Variants in CRB1 observed in about 807,000 individuals in gnomAD.
CRB1 encodes the protein protein crumbs homolog 1.
CRB1 carries 83 observed loss-of-function variants against 120.0 expected under a neutral mutation model. That is an observed-to-expected ratio of 0.69 (90% CI 0.58 to 0.83). The LOEUF is 0.83. CRB1 is among the 40% of genes least tolerant of loss of function. CRB1 has a pLI of 0.00. For synonymous variants in CRB1, 625 were observed against 612.5 expected, an observed-to-expected ratio of 1.02 and a Z score of -0.30; for missense variants, 1,699 against 1,687.6, an observed-to-expected ratio of 1.01 and a Z score of -0.12.
chr1:197,466,215 G>T (rs1666743570), intron 11 of CRB1, among the ~76,000 whole-genome samples: 5 of 152,146 alleles, frequency 3.3e-5, no homozygotes, highest in Admixed American at 1.3e-4. Flanking sequence ...CAGGTTGAAG[G>T]GACGATGCAT....
intron 10 of CRB1, chr1:197,440,543 T>C (rs756928098): frequency 7.9e-5 from 12 of 152,244 alleles, no homozygotes; most frequent in Non-Finnish European, 1.5e-4. Flanking sequence ...ATTTTTACTT[T>C]TCATGCATTA....
chr1:197,253,671 G>T, the CRB1 span, among the ~76,000 whole-genome samples: 1 of 152,048 alleles, frequency 6.6e-6, no homozygotes, highest in Non-Finnish European at 1.5e-5. Context: ...TTTTTGGAAA[G>T]TACATAATAT....
intron 5 of CRB1, among the ~76,000 whole-genome samples, chr1:197,362,631 T>C (rs1660832260): frequency 6.6e-6 from 1 of 152,148 alleles, no homozygotes; most frequent in Non-Finnish European, 1.5e-5. Flanking sequence ...TGATTTTTTT[T>C]CTCATATTCT....
At chr1:197,230,853 T>C in the CRB1 span, among the ~76,000 whole-genome samples, 3 of 152,162 alleles carry the variant, frequency 2.0e-5, no homozygotes, top group Admixed American at 6.5e-5. Flanking sequence ...GGCTTTGCAA[T>C]TGATTAATCA....
intron 2 of CRB1, among the ~76,000 whole-genome samples, chr1:197,341,182 T>C (rs566822493): frequency 6.6e-6 from 1 of 152,240 alleles, no homozygotes; most frequent in Non-Finnish European, 1.5e-5. Context: ...GCCTGTGAGA[T>C]AACTCAATGC....
chr1:197,429,826 CTA>C (rs1664790953), intron 8 of CRB1, among the ~76,000 whole-genome samples: 1 of 152,194 alleles, frequency 6.6e-6, no homozygotes, highest in Non-Finnish European at 1.5e-5. Flanking sequence ...CACAGCAACA[CTA>C]AACCTAGATG....
At chr1:197,460,024 A>G (rs1456342981) in intron 11 of CRB1, among the ~76,000 whole-genome samples, 1 of 17,176 alleles carries the variant, frequency 5.8e-5, no homozygotes, top group Non-Finnish European at 1.4e-4. Flanking sequence ...TTTTTTTTTT[A>G]CTTCACTTGA....
chr1:197,284,741 A>C (rs1323271515), intron 1 of CRB1, among the ~76,000 whole-genome samples: 1 of 151,908 alleles, frequency 6.6e-6, no homozygotes. Flanking sequence ...AGCAAACAAA[A>C]ACTTCACAGA....
chr1:197,359,626 G>C (rs1341171421), intron 5 of CRB1, among the ~76,000 whole-genome samples: 4 of 152,104 alleles, frequency 2.6e-5, no homozygotes, highest in Admixed American at 2.6e-4. Flanking sequence ...GAGTAAAATT[G>C]CTGGTTCCTA....
intron 6 of CRB1, among the ~76,000 whole-genome samples, chr1:197,423,076 G>A (rs1414900012): frequency 6.6e-6 from 1 of 152,054 alleles, no homozygotes; most frequent in East Asian, 1.9e-4. Context: ...GAGAAAAAGG[G>A]AAATTATGCT....
intron 11 of CRB1, among the ~76,000 whole-genome samples, chr1:197,457,759 A>G (rs1453463885): frequency 2.6e-5 from 4 of 152,184 alleles, no homozygotes; most frequent in African/African-American, 9.6e-5. Flanking sequence ...TCAGAAGAAC[A>G]AAAAGCACAT....
intron 1 of CRB1, among the ~76,000 whole-genome samples, chr1:197,327,091 CAAAAAAAAAAAAAAAAAAAAAAAA>C (rs71131753): frequency 1.4e-3 from 35 of 25,708 alleles, no homozygotes; most frequent in African/African-American, 2.5e-3. Context: ...TCTCACACAC[CAAAAAAAAAAAAAAAAAAAAAAAA>C]AAAAAAAAAA....
At chr1:197,434,188 A>C (rs1665009055) in intron 8 of CRB1, among the ~76,000 whole-genome samples, 2 of 152,108 alleles carry the variant, frequency 1.3e-5, no homozygotes, top group Non-Finnish European at 2.9e-5. Context: ...AGTCATTTGG[A>C]ATGCTACTTT....
chr1:197,319,824 A>G (rs757446942), intron 1 of CRB1, among the ~76,000 whole-genome samples: 17 of 152,158 alleles, frequency 1.1e-4, no homozygotes, highest in Non-Finnish European at 2.5e-4. Context: ...TATAGCAATA[A>G]TCATGATGGG....
chr1:197,345,471 C>A (rs1389033760), intron 3 of CRB1, among the ~76,000 whole-genome samples: 2 of 146,310 alleles, frequency 1.4e-5, no homozygotes, highest in African/African-American at 2.5e-5. Context: ...ATAAAAGGCA[C>A]ATATGCTTCA....
chr1:197,447,347 G>A (rs1312548213), intron 11 of CRB1: 1 of 152,248 alleles, frequency 6.6e-6, no homozygotes, highest in African/African-American at 2.4e-5. Flanking sequence ...AAAGGAGGGA[G>A]AGATGCCAGC....
At chr1:197,397,869 C>T (rs1239927636) in intron 5 of CRB1, among the ~76,000 whole-genome samples, 1 of 152,150 alleles carries the variant, frequency 6.6e-6, no homozygotes, top group African/African-American at 2.4e-5. Flanking sequence ...AAGTGTTCTA[C>T]AGCTCGATTG....
At chr1:197,392,588 C>G (rs980972506) in intron 5 of CRB1, among the ~76,000 whole-genome samples, 4 of 151,870 alleles carry the variant, frequency 2.6e-5, no homozygotes, top group African/African-American at 9.7e-5. Flanking sequence ...AAGAAAAGAC[C>G]CAAGGAACTA....
At chr1:197,441,322 C>G (rs1203728354) in intron 10 of CRB1, 1 of 152,118 alleles carries the variant, frequency 6.6e-6, no homozygotes, top group African/African-American at 2.4e-5. Context: ...CACTGTGTGA[C>G]TGAATACATG....
Sources: allele counts gnomAD v4.1 joint callset (sites outside exome capture counted in the v4.1 genomes callset), GRCh38; gene constraint gnomAD v4.1.1; transcripts MANE v1.5; gene names NCBI Gene and HGNC (gene_info 2026-07-23, HGNC 2026-07-21).